The following COL19A1 variants were observed in gnomAD, a reference collection of about 807,000 sequenced individuals.
COL19A1 encodes the protein collagen type XIX alpha 1 chain.
A neutral mutation model predicts 190.2 loss-of-function variants in COL19A1; 159 were observed. The ratio of observed to expected loss-of-function variants is 0.84; its 90% CI spans 0.73 to 0.95. The LOEUF (loss-of-function observed/expected upper bound fraction) is 0.95. COL19A1 is among the 40% of genes least tolerant of loss of function. The pLI is 0.00. For missense variants in COL19A1, 1,418 were observed against 1,431.9 expected (o/e 0.99, Z 0.16); for synonymous variants, 509 against 458.9 (o/e 1.11, Z -1.39).
chr6:69,969,963 C>G (rs1300910216), intron 11 of COL19A1, among the ~76,000 whole-genome samples: 1 of 152,156 alleles, frequency 6.6e-6, no homozygotes. Flanking sequence ...GCCTCTTTAG[C>G]CTCCTTGCTC....
Position 69,945,050 on chromosome 6 carries a change from C to T in COL19A1, c.936+6950C>T, listed in dbSNP as rs541213370. Among the ~76,000 whole-genome samples, 30 of 151,980 alleles carry T rather than the reference C, an allele frequency of 2.0e-4. No homozygotes were observed. The South Asian group carries it at 5.4e-3, about 27-fold the overall frequency. ...TTTAAGACCCTTGTTAATACCCTCA[C>T]CCATTTCAGAGCTGAAATTCTCTCA... On this transcript the variant is annotated intron_variant, in intron 9 of 50. Coordinates refer to ENST00000620364, the MANE Select transcript of COL19A1 (RefSeq NM_001858.6).
chr6:70,180,324 G>T lies in COL19A1; in HGVS notation c.2680G>T (p.Ala894Ser). Residue 894 changes from alanine to serine, a missense_variant, in exon 43 of 51, where the codon GCC (alanine) becomes TCC (serine). Coordinates refer to ENST00000620364, the MANE Select transcript of COL19A1 (RefSeq NM_001858.6). ...TTTGCCTTGCCAGGGAAAACCTGGT[G>T]CCCCAGGGCCTCCAGGAGTTCCAGG... Reference protein sequence around the residue: ...GIAGMSGKPGAPGPPGVPGEP... With the variant: ...GIAGMSGKPGSPGPPGVPGEP... The T allele has an allele frequency of 6.2e-7, 1 of 1,614,140 alleles. No individual in the cohort carries two copies.
At chr6:70,111,889 G>C (rs746303834) in intron 16 of COL19A1, among the ~76,000 whole-genome samples, 1 of 152,144 alleles carries the variant, frequency 6.6e-6, no homozygotes, top group Non-Finnish European at 1.5e-5. Context: ...AATGTCCCCA[G>C]CTATTCAAAT....
intron 42 of COL19A1, among the ~76,000 whole-genome samples, chr6:70,177,773 C>A (rs1474739310): frequency 7.2e-5 from 11 of 152,212 alleles, no homozygotes; most frequent in Admixed American, 5.2e-4. Context: ...TCCTCTTATA[C>A]TCACATCCTG....
intron 49 of COL19A1, 27 bp downstream of exon 49, chr6:70,199,763 T>G (rs188851948): frequency 1.3e-5 from 20 of 1,572,148 alleles, no homozygotes; most frequent in Admixed American, 7.3e-5. Flanking sequence ...AATATTGGCT[T>G]ATTGATTTTT....
intron 30 of COL19A1, 145 bp downstream of exon 30, chr6:70,150,190 T>G (rs1451371028): frequency 7.3e-6 from 6 of 816,948 alleles, no homozygotes; most frequent in African/African-American, 5.2e-5. Context: ...TTTTGTCGAG[T>G]GAAAAAAAAT....
chr6:69,869,245 C>T (rs967439046), intron 1 of COL19A1, among the ~76,000 whole-genome samples: 21 of 152,060 alleles, frequency 1.4e-4, no homozygotes, highest in South Asian at 4.2e-4. Context: ...AAAATCCAAG[C>T]GGGGTGAAAT....
intron 16 of COL19A1, among the ~76,000 whole-genome samples, chr6:70,111,805 G>A (rs528725585): frequency 1.3e-5 from 2 of 152,254 alleles, no homozygotes; most frequent in East Asian, 3.9e-4. Flanking sequence ...TATAGATAAG[G>A]GAGAGACCTT....
Position 70,150,228 on chromosome 6 carries a change from G to A in COL19A1, c.2037+183G>A, listed in dbSNP as rs530436354. On this transcript the variant is annotated intron_variant, in intron 30 of 50. Coordinates refer to ENST00000620364, the MANE Select transcript of COL19A1 (RefSeq NM_001858.6). Reference sequence around the variant, plus strand: ...AGGCTGGATCAGCATTTCTGTGTGTGTGATGAATACTTATTTCCTAAGGGC... The same window carrying A: ...AGGCTGGATCAGCATTTCTGTGTGTATGATGAATACTTATTTCCTAAGGGC... Among the ~76,000 whole-genome samples, 46 of 152,204 alleles carry A rather than the reference G, an allele frequency of 3.0e-4. 1 individual carries two copies. The highest frequency in any genetic ancestry group is 6.0e-4 in the Non-Finnish European group (41 of 67,998).
intron 15 of COL19A1, among the ~76,000 whole-genome samples, chr6:70,085,982 C>A (rs1047361106): frequency 6.6e-6 from 1 of 151,962 alleles, no homozygotes. Context: ...CTGATATTTG[C>A]GGGATAAGGT....
intron 16 of COL19A1, among the ~76,000 whole-genome samples, chr6:70,102,735 A>T (rs899854334): frequency 1.3e-5 from 2 of 152,166 alleles, no homozygotes; most frequent in Non-Finnish European, 2.9e-5. Context: ...AGAAAAAAAA[A>T]ATATTCAATT....
chr6:70,043,766 T>C (rs887259416), intron 14 of COL19A1, among the ~76,000 whole-genome samples: 1 of 152,222 alleles, frequency 6.6e-6, no homozygotes, highest in Non-Finnish European at 1.5e-5. Context: ...ATTCCGCTTA[T>C]AGAGCACAGG....
intron 11 of COL19A1, among the ~76,000 whole-genome samples, chr6:69,985,566 T>C (rs1226411435): frequency 6.6e-6 from 1 of 151,896 alleles, no homozygotes; most frequent in Non-Finnish European, 1.5e-5. Context: ...ATAGGACTTC[T>C]GAAAAAAAAA....
At chr6:70,048,136 A>G (rs1780005170) in intron 14 of COL19A1, among the ~76,000 whole-genome samples, 1 of 152,122 alleles carries the variant, frequency 6.6e-6, no homozygotes, top group Admixed American at 6.6e-5. Flanking sequence ...ATCCAGCTTC[A>G]GTGAGAAATT....
intron 16 of COL19A1, among the ~76,000 whole-genome samples, chr6:70,120,080 G>A (rs778294832): frequency 2.4e-4 from 36 of 152,238 alleles, no homozygotes; most frequent in Non-Finnish European, 2.4e-4. Flanking sequence ...GACAGAGTGA[G>A]ACTCTGTCTC....
intron 11 of COL19A1, among the ~76,000 whole-genome samples, chr6:69,977,020 C>T (rs539258476): frequency 8.5e-5 from 13 of 152,138 alleles, no homozygotes; most frequent in Non-Finnish European, 1.6e-4. Flanking sequence ...CCTCAGGGAT[C>T]TAGAACCAGA....
intron 4 of COL19A1, among the ~76,000 whole-genome samples, chr6:69,922,104 G>A (rs1772011497): frequency 6.6e-6 from 1 of 151,906 alleles, no homozygotes; most frequent in African/African-American, 2.4e-5. Context: ...TGCTTGTGTG[G>A]TATAAACAAC....
At chr6:69,934,509 TA>T (rs1772978495) in intron 7 of COL19A1, among the ~76,000 whole-genome samples, 1 of 151,942 alleles carries the variant, frequency 6.6e-6, no homozygotes, top group Non-Finnish European at 1.5e-5. Context: ...TATATTAATG[TA>T]ATAGAAACTT....
intron 47 of COL19A1, among the ~76,000 whole-genome samples, chr6:70,188,563 GCT>G (rs756654561): frequency 6.6e-6 from 1 of 152,164 alleles, no homozygotes; most frequent in Non-Finnish European, 1.5e-5. Flanking sequence ...GGTCTGGATG[GCT>G]TCAAACCCAC....
Sources: allele counts gnomAD v4.1 joint callset (sites outside exome capture counted in the v4.1 genomes callset), GRCh38; gene constraint gnomAD v4.1.1; transcripts MANE v1.5; gene names NCBI Gene and HGNC (gene_info 2026-07-23, HGNC 2026-07-21).